Variants in RSBN1L observed in about 807,000 individuals in gnomAD.
RSBN1L encodes the protein lysine-specific demethylase RSBN1L.
RSBN1L carries 30 observed loss-of-function variants against 67.7 expected under a neutral mutation model. The observed-to-expected ratio is 0.44, with a 90% CI of 0.33 to 0.60. The LOEUF (loss-of-function observed/expected upper bound fraction) is 0.60, where lower values mean the gene tolerates loss of function less well. RSBN1L is among the 20% of genes least tolerant of loss of function. The pLI, the probability that RSBN1L is intolerant of heterozygous loss-of-function variation, is 0.02. For missense variants in RSBN1L, 992 were observed against 1,031.7 expected (o/e 0.96, Z 0.53); for synonymous variants, 433 against 387.0 (o/e 1.12, Z -1.39).
Position 77,745,482 on chromosome 7 carries a change from C to G in RSBN1L, c.704-3942C>G, listed in dbSNP as rs565840742. ...TTGTTTCACTCATAGTGTTGATTGA[C>G]ATATAGTATACAGGTATCCTATGAG... On this transcript the variant is annotated intron_variant, in intron 2 of 7. Coordinates refer to ENST00000334955, the MANE Select transcript of RSBN1L (RefSeq NM_198467.3). 9.2e-5 allele frequency among the ~76,000 whole-genome samples: 14 copies of G among 152,252 alleles called. No homozygotes were observed. The East Asian group carries it at 2.7e-3, about 29-fold the overall frequency.
intron 1 of RSBN1L, among the ~76,000 whole-genome samples, chr7:77,723,687 G>A (rs1456958124): frequency 2.0e-5 from 3 of 152,112 alleles, no homozygotes; most frequent in Non-Finnish European, 2.9e-5. Flanking sequence ...TGTAATCCTA[G>A]CACTTTGGGA....
In RSBN1L at chr7:77,778,605, T is replaced by A; in HGVS notation, c.1978T>A (p.Tyr660Asn). Residue 660 changes from tyrosine (Y) to asparagine (N), a missense_variant, in exon 8 of 8, where the codon TAT (tyrosine) becomes AAT (asparagine). Tyr to Asn is a moderately radical substitution (Grantham distance 143). Coordinates refer to ENST00000334955, the MANE Select transcript of RSBN1L (RefSeq NM_198467.3). ...CATTCGCTATGCCAGGATTCAGCTA[T>A]ATGATAATGACATTTATTTTATTCC... ...EGIRYARIQL[Y>N]DNDIYFIPRN... 1 of 1,614,116 alleles carries A rather than the reference T, an allele frequency of 6.2e-7. No homozygotes were observed. Among genetic ancestry groups the A allele is most frequent in the East Asian group, 2.2e-5 (1 of 44,876 alleles).
chr7:77,718,603 T>C (rs1462642150), intron 1 of RSBN1L, among the ~76,000 whole-genome samples: 1 of 152,200 alleles, frequency 6.6e-6, no homozygotes, highest in Non-Finnish European at 1.5e-5. Flanking sequence ...CAGTGTATTT[T>C]GTAAGACAGT....
intron 6 of RSBN1L, among the ~76,000 whole-genome samples, chr7:77,776,601 C>T (rs1328372025): frequency 6.6e-6 from 1 of 152,168 alleles, no homozygotes; most frequent in Non-Finnish European, 1.5e-5. Context: ...AAGCTGTGTT[C>T]TTAGGCAAGT....
intron 3 of RSBN1L, among the ~76,000 whole-genome samples, chr7:77,765,066 TA>T (rs1562808504): frequency 6.6e-6 from 1 of 152,214 alleles, no homozygotes; most frequent in African/African-American, 2.4e-5. Flanking sequence ...TGTTGATGGT[TA>T]AATGTTTTCA....
chr7:77,697,196 A>G, intron 1 of RSBN1L, 141 bp downstream of exon 1: 1 of 934,858 alleles, frequency 1.1e-6, no homozygotes, highest in Non-Finnish European at 1.4e-6. Context: ...TTTTCAGCAG[A>G]GGATTTTGCA....
chr7:77,698,329 A>G lies in RSBN1L; in HGVS notation c.586+1274A>G, dbSNP rs140482596. 5.9e-5 allele frequency among the ~76,000 whole-genome samples: 9 copies of G among 152,340 alleles called. No individual in the cohort carries two copies. The East Asian group carries it at 1.5e-3, about 26-fold the overall frequency. On this transcript the variant is annotated intron_variant, in intron 1 of 7. Coordinates refer to ENST00000334955, the MANE Select transcript of RSBN1L (RefSeq NM_198467.3). Reference sequence around the variant, plus strand: ...GGATGGGATTTTGGTACTTTTAGTCAGGAATTCCAGGTGATTAGTATTTTA... The same window carrying G: ...GGATGGGATTTTGGTACTTTTAGTCGGGAATTCCAGGTGATTAGTATTTTA...
chr7:77,749,408 A>C lies in RSBN1L; in HGVS notation c.704-16A>C. 5 of 1,508,058 alleles carry C rather than the reference A, an allele frequency of 3.3e-6. No individual in the cohort carries two copies. Among genetic ancestry groups the C allele is most frequent in the Non-Finnish European group, 4.4e-6 (5 of 1,130,540 alleles). 93.4% of individuals were successfully genotyped at this position (1,508,058 alleles called of 1,614,324 possible). On this transcript the variant is annotated splice_polypyrimidine_tract_variant and intron_variant, in intron 2 of 7. Coordinates refer to ENST00000334955, the MANE Select transcript of RSBN1L (RefSeq NM_198467.3). Reference sequence around the variant, plus strand: ...TAATTAAAATATGGAGTTTCAAAAAACATTTTTTCCAACAGGTGGGAAGGA... The same window carrying C: ...TAATTAAAATATGGAGTTTCAAAAACCATTTTTTCCAACAGGTGGGAAGGA...
At chr7:77,720,811 G>A (rs553140855) in intron 1 of RSBN1L, among the ~76,000 whole-genome samples, 1 of 138,356 alleles carries the variant, frequency 7.2e-6, no homozygotes, top group East Asian at 2.1e-4. Flanking sequence ...TGTCACCCAG[G>A]CTCGAGTGCA....
chr7:77,732,547 T>G (rs2150419729), intron 1 of RSBN1L, among the ~76,000 whole-genome samples: 1 of 152,322 alleles, frequency 6.6e-6, no homozygotes, highest in South Asian at 2.1e-4. Flanking sequence ...TTGGCCAGGT[T>G]GGTCTCGAAC....
chr7:77,752,099 G>C (rs557151206), intron 3 of RSBN1L, among the ~76,000 whole-genome samples: 1 of 152,298 alleles, frequency 6.6e-6, no homozygotes, highest in South Asian at 2.1e-4. Context: ...TAAATAAAAT[G>C]AGATGCTGGA....
chr7:77,728,315 G>A (rs755714484), intron 1 of RSBN1L, among the ~76,000 whole-genome samples: 39 of 152,110 alleles, frequency 2.6e-4, no homozygotes, highest in Non-Finnish European at 5.3e-4. Context: ...TTATAAAATT[G>A]TATGTTAAAA....
At chr7:77,703,090 A>G (rs556376069) in intron 1 of RSBN1L, among the ~76,000 whole-genome samples, 2 of 152,292 alleles carry the variant, frequency 1.3e-5, no homozygotes, top group East Asian at 1.9e-4. Context: ...GAAGAAAGCT[A>G]CAAGTCTTGT....
At chr7:77,697,110 C>T (rs1048218580) in intron 1 of RSBN1L, 55 bp downstream of exon 1, 1 of 1,314,578 alleles carries the variant, frequency 7.6e-7, no homozygotes, top group Non-Finnish European at 9.6e-7. Context: ...CCGCCGCCCC[C>T]TGGCGCCCAC....
intron 6 of RSBN1L, among the ~76,000 whole-genome samples, chr7:77,778,105 T>G (rs1265764837): frequency 6.6e-6 from 1 of 152,226 alleles, no homozygotes; most frequent in Non-Finnish European, 1.5e-5. Context: ...CAAACTCTTG[T>G]GACAAATGTT....
Position 77,749,433 on chromosome 7 carries a change from A to G in RSBN1L, c.713A>G (p.Glu238Gly), listed in dbSNP as rs1791524540. The change falls in exon 3 of 8, where the codon GAG (glutamate) becomes GGG (glycine). Residue 238 changes from glutamate to glycine, a missense_variant. Around this residue, in one of 7 missense-constraint regions of RSBN1L, gnomAD observed 575 missense variants for 483.2 expected, o/e 1.19. Coordinates refer to ENST00000334955, the MANE Select transcript of RSBN1L (RefSeq NM_198467.3). The stretch of plus-strand genomic sequence containing the variant: ...ACATTTTTTCCAACAGGTGGGAAGG[A>G]GAAACCAAAAACAAATATAGAAGAC... ...EVKILLKSGK[E>G]KPKTNIEDLQ... 6.4e-7 allele frequency: 1 copy of G among 1,554,800 alleles called. No homozygotes were observed. Among genetic ancestry groups the G allele is most frequent in the Admixed American group, 2.2e-5 (1 of 44,852 alleles).
At chr7:77,754,523 C>T (rs562705567) in intron 3 of RSBN1L, among the ~76,000 whole-genome samples, 39 of 152,304 alleles carry the variant, frequency 2.6e-4, no homozygotes, top group African/African-American at 8.7e-4. Flanking sequence ...TTCAAGACCT[C>T]ATGTTGTTAA....
intron 3 of RSBN1L, among the ~76,000 whole-genome samples, chr7:77,758,453 G>GTGTC (rs1163437758): frequency 6.6e-6 from 1 of 152,300 alleles, no homozygotes; most frequent in African/African-American, 2.4e-5. Context: ...GGAGAATGAG[G>GTGTC]TGTCCATCTC....
Position 77,707,211 on chromosome 7 carries a change from A to G in RSBN1L, c.586+10156A>G, listed in dbSNP as rs1033619178. Among the ~76,000 whole-genome samples the G allele has an allele frequency of 3.9e-4, 59 of 152,128 alleles. No individual in the cohort carries two copies. The Middle Eastern group carries it at 0.01, about 26-fold the overall frequency. On this transcript the variant is annotated intron_variant, in intron 1 of 7. Coordinates refer to ENST00000334955, the MANE Select transcript of RSBN1L (RefSeq NM_198467.3). Reference sequence around the variant, plus strand: ...GCTAATTTTTGTATTTTTAGTAGAGACAGGGTTCCACCATGTTGACCAGAC... The same window carrying G: ...GCTAATTTTTGTATTTTTAGTAGAGGCAGGGTTCCACCATGTTGACCAGAC...
Sources: gnomAD v4.1 joint callset for allele counts (sites outside exome capture counted in the v4.1 genomes callset) on GRCh38, gnomAD v4.1.1 for gene constraint, gnomAD v4.1.1 regional missense constraint, MANE v1.5 for transcripts, NCBI Gene and HGNC (gene_info 2026-07-23, HGNC 2026-07-21) for gene names.